Variants in EXOC4 observed in about 807,000 individuals in gnomAD.
EXOC4 encodes SEC8-like 1.
EXOC4 carries 71 observed loss-of-function variants against 107.2 expected under a neutral mutation model. The observed-to-expected ratio is 0.66, with a 90% CI of 0.55 to 0.81. The LOEUF is 0.81. Ranked by LOEUF, EXOC4 falls within the 30% of genes least tolerant of loss-of-function variation. EXOC4 has a pLI of 0.00. For synonymous variants in EXOC4, 456 were observed against 441.2 expected, an observed-to-expected ratio of 1.03 and a Z score of -0.42; for missense variants, 1,108 against 1,189.6, an observed-to-expected ratio of 0.93 and a Z score of 1.01.
intron 3 of EXOC4, among the ~76,000 whole-genome samples, chr7:133,303,587 A>T (rs1432388626): frequency 6.6e-6 from 1 of 152,246 alleles, no homozygotes; most frequent in South Asian, 2.1e-4. Flanking sequence ...TTCCATAATT[A>T]TAGCTTTATA....
At chr7:133,288,292 G>A (rs1470369003) in intron 2 of EXOC4, among the ~76,000 whole-genome samples, 1 of 152,060 alleles carries the variant, frequency 6.6e-6, no homozygotes, top group African/African-American at 2.4e-5. Context: ...GCCTATGCTA[G>A]TCACTATACT....
At chr7:133,653,536 A>G (rs1171509257) in intron 10 of EXOC4, among the ~76,000 whole-genome samples, 1 of 152,230 alleles carries the variant, frequency 6.6e-6, no homozygotes, top group Admixed American at 6.5e-5. Context: ...TGGCAGGTTG[A>G]TAGGGTAAAT....
intron 11 of EXOC4, among the ~76,000 whole-genome samples, chr7:133,849,361 A>G (rs1385006581): frequency 6.6e-6 from 1 of 152,190 alleles, no homozygotes; most frequent in East Asian, 1.9e-4. Context: ...TTGAGATTAC[A>G]GTGAGCTGTG....
rs1029786142 is a variant in EXOC4, at chr7:133,694,536, G to A, written c.1514+64395G>A. Among the ~76,000 whole-genome samples the A allele has an allele frequency of 2.0e-5, 3 of 152,170 alleles. No homozygotes were observed. The South Asian group carries it at 6.2e-4, about 32-fold the overall frequency. ...TTGTCTACCTTTGGTCTAACAGTAT[G>A]TGTAAAGAAAAGCAATTGAAGATAT... On this transcript the variant is annotated intron_variant, in intron 10 of 17. Transcript: ENST00000253861.
At chr7:133,480,201 T>C (rs1799121211) in intron 9 of EXOC4, 63 bp downstream of exon 9, 3 of 1,581,514 alleles carry the variant, frequency 1.9e-6, no homozygotes, top group African/African-American at 1.3e-5. Flanking sequence ...TTATTACACA[T>C]GAGTTTGTGT....
rs187995966 is a variant in EXOC4, at chr7:133,595,283, C to A, written c.1418-34762C>A. Among the ~76,000 whole-genome samples, 35 of 152,312 alleles carry A rather than the reference C, an allele frequency of 2.3e-4. 1 individual carries two copies. The East Asian group carries it at 6.0e-3, about 26-fold the overall frequency. On this transcript the variant is annotated intron_variant, in intron 9 of 17. Transcript: ENST00000253861. ...TAGTATGTGTCAAATGCTGATGATA[C>A]TCCCAGAAGTAGTGAACAAAGTTCT... is the stretch of plus-strand genomic sequence containing the variant.
intron 11 of EXOC4, among the ~76,000 whole-genome samples, chr7:133,844,328 C>CTTTTACA (rs1390325723): frequency 7.1e-6 from 1 of 140,560 alleles, no homozygotes; most frequent in African/African-American, 2.7e-5. Context: ...TTTCTAATCT[C>CTTTTACA]TTTTACATTT....
chr7:133,597,040 A>G (rs764855209), intron 9 of EXOC4, among the ~76,000 whole-genome samples: 14 of 152,162 alleles, frequency 9.2e-5, no homozygotes, highest in Admixed American at 9.2e-4. Flanking sequence ...TATATGTGGA[A>G]TATCCCCTCA....
rs1367813440 is a variant in EXOC4 at position 133,253,121 on chromosome 7, G to A, written c.20G>A (p.Gly7Asp). Residue 7 changes from glycine (G) to aspartate (D), a missense_variant, in exon 1 of 18, where the codon GGT (glycine) becomes GAT (aspartate). Transcript: ENST00000253861. The part of the protein sequence containing the change: MAAEAA[G>D]GKYRSTVSKS... ...TCCAAGATGGCGGCAGAAGCAGCTG[G>A]TGGGAAATACAGAAGCACAGTCAGC... The A allele has an allele frequency of 6.2e-7, 1 of 1,614,060 alleles. No individual in the cohort carries two copies. Among genetic ancestry groups the A allele is most frequent in the Non-Finnish European group, 8.5e-7 (1 of 1,180,016 alleles).
intron 14 of EXOC4, among the ~76,000 whole-genome samples, chr7:133,975,238 G>A (rs1585292897): frequency 6.6e-6 from 1 of 152,084 alleles, no homozygotes; most frequent in East Asian, 1.9e-4. Flanking sequence ...AGAGGGTCTG[G>A]ATCATGCTTT....
intron 10 of EXOC4, among the ~76,000 whole-genome samples, chr7:133,710,928 C>T (rs989419323): frequency 2.0e-5 from 3 of 151,022 alleles, no homozygotes; most frequent in African/African-American, 4.9e-5. Flanking sequence ...AAAAAATCGC[C>T]ACCAAGATAT....
chr7:133,445,489 G>A (rs1468012882), intron 7 of EXOC4, among the ~76,000 whole-genome samples: 2 of 152,158 alleles, frequency 1.3e-5, no homozygotes, highest in Non-Finnish European at 2.9e-5. Context: ...TCATATGCCA[G>A]CGTCTTTCCA....
intron 17 of EXOC4, among the ~76,000 whole-genome samples, chr7:134,026,410 T>C (rs887571528): frequency 5.9e-5 from 9 of 151,584 alleles, no homozygotes; most frequent in African/African-American, 2.2e-4. Context: ...GCATTCTGAT[T>C]TGACAATTTC....
chr7:133,377,557 T>C (rs1436863821), intron 7 of EXOC4, among the ~76,000 whole-genome samples: 1 of 152,072 alleles, frequency 6.6e-6, no homozygotes, highest in Non-Finnish European at 1.5e-5. Context: ...TTAACAATTA[T>C]GTGGTTTACA....
chr7:133,796,232 A>G (rs1384328134), intron 10 of EXOC4, among the ~76,000 whole-genome samples: 2 of 152,172 alleles, frequency 1.3e-5, no homozygotes, highest in Non-Finnish European at 2.9e-5. Context: ...AGATGAAAGA[A>G]CTGTTTTTCT....
chr7:134,030,810 G>A (rs1795253976), intron 17 of EXOC4, among the ~76,000 whole-genome samples: 1 of 151,724 alleles, frequency 6.6e-6, no homozygotes, highest in South Asian at 2.1e-4. Context: ...TCGACCCTTT[G>A]CTGTCAGGCT....
intron 17 of EXOC4, among the ~76,000 whole-genome samples, chr7:134,014,220 G>A (rs942482030): frequency 4.6e-5 from 7 of 152,072 alleles, no homozygotes; most frequent in African/African-American, 9.7e-5. Context: ...TGGCTAACAC[G>A]ATAAAACCCT....
chr7:133,858,499 C>T (rs962263545), intron 11 of EXOC4, among the ~76,000 whole-genome samples: 10 of 152,092 alleles, frequency 6.6e-5, no homozygotes, highest in African/African-American at 1.9e-4. Flanking sequence ...TGGATTCTCC[C>T]GGAGACTGAC....
chr7:133,974,006 G>T (rs1312648320), intron 14 of EXOC4, among the ~76,000 whole-genome samples: 1 of 152,198 alleles, frequency 6.6e-6, no homozygotes, highest in Admixed American at 6.5e-5. Context: ...ACCCACTCCT[G>T]CTATGATGGC....
Sources: allele counts gnomAD v4.1 joint callset (sites outside exome capture counted in the v4.1 genomes callset), GRCh38; gene constraint gnomAD v4.1.1; transcripts MANE v1.5; gene names NCBI Gene and HGNC (gene_info 2026-07-23, HGNC 2026-07-21).